Variants in NEBL observed in about 807,000 individuals in gnomAD.
NEBL encodes the protein nebulette, also known as LIM and SH3 protein 2.
A neutral mutation model predicts 140.2 loss-of-function variants in NEBL; 122 were observed. The ratio of observed to expected loss-of-function variants is 0.87; its 90% CI spans 0.75 to 1.01. The LOEUF is 1.01. NEBL is among the 50% of genes least tolerant of loss of function. NEBL has a pLI of 0.00. For missense variants in NEBL, 1,365 were observed against 1,231.3 expected (o/e 1.11, Z -1.62); for synonymous variants, 436 against 398.9 (o/e 1.09, Z -1.11).
chr10:21,234,964 T>C (rs1842329042), intron 3 of NEBL, among the ~76,000 whole-genome samples: 1 of 152,076 alleles, frequency 6.6e-6, no homozygotes, highest in African/African-American at 2.4e-5. Flanking sequence ...GGAGAGGACC[T>C]AAGAAGATTA....
At chr10:20,902,789 C>G (rs1847926672) in intron 4 of NEBL, among the ~76,000 whole-genome samples, 1 of 152,062 alleles carries the variant, frequency 6.6e-6, no homozygotes, top group African/African-American at 2.4e-5. Flanking sequence ...TCTTCTTGGT[C>G]TGTATGTGGC....
chr10:21,135,282 C>T (rs1335482985), intron 2 of NEBL, among the ~76,000 whole-genome samples: 3 of 152,192 alleles, frequency 2.0e-5, no homozygotes, highest in African/African-American at 4.8e-5. Context: ...CTGGGTGGGG[C>T]GAGGCCACAG....
chr10:21,040,649 CT>C (rs1834230741), intron 2 of NEBL, among the ~76,000 whole-genome samples: 1 of 152,210 alleles, frequency 6.6e-6, no homozygotes, highest in East Asian at 1.9e-4. Context: ...CCAAACCCCA[CT>C]ACCAACCTTA....
chr10:21,039,372 G>A (rs570421237), intron 2 of NEBL, among the ~76,000 whole-genome samples: 3 of 152,224 alleles, frequency 2.0e-5, no homozygotes, highest in African/African-American at 7.2e-5. Flanking sequence ...TTACGTTTAA[G>A]TCTTTAATCC....
chr10:21,244,584 A>G (rs1422821944), intron 3 of NEBL, among the ~76,000 whole-genome samples: 1 of 151,834 alleles, frequency 6.6e-6, no homozygotes, highest in Non-Finnish European at 1.5e-5. Flanking sequence ...CCTGGGAGAT[A>G]GAGGTTGCAA....
intron 2 of NEBL, among the ~76,000 whole-genome samples, chr10:21,248,907 C>T (rs1260568089): frequency 3.3e-5 from 5 of 151,974 alleles, no homozygotes; most frequent in Non-Finnish European, 5.9e-5. Context: ...TTTTGATTTG[C>T]ATTTCCCTAA....
intron 3 of NEBL, among the ~76,000 whole-genome samples, chr10:21,004,615 G>C (rs1424943174): frequency 6.6e-6 from 1 of 152,096 alleles, no homozygotes; most frequent in African/African-American, 2.4e-5. Context: ...AGCTACTCGG[G>C]AGGCTGAGGC....
intron 2 of NEBL, among the ~76,000 whole-genome samples, chr10:21,106,200 C>T (rs2132004534): frequency 6.6e-6 from 1 of 152,218 alleles, no homozygotes; most frequent in Admixed American, 6.5e-5. Flanking sequence ...AATTAGATCC[C>T]ATTTGTCTAT....
chr10:21,180,568 T>C (rs552734257), intron 3 of NEBL, among the ~76,000 whole-genome samples: 1 of 152,282 alleles, frequency 6.6e-6, no homozygotes, highest in South Asian at 2.1e-4. Flanking sequence ...GTTTGCAAAG[T>C]CAACATATTT....
At chr10:21,062,397 T>C (rs2131882676) in intron 2 of NEBL, among the ~76,000 whole-genome samples, 1 of 152,136 alleles carries the variant, frequency 6.6e-6, no homozygotes, top group South Asian at 2.1e-4. Flanking sequence ...GTAGTGGCTC[T>C]CGCCTGTAAT....
intron 21 of NEBL, 136 bp downstream of exon 21, chr10:20,817,464 T>C: frequency 3.7e-6 from 3 of 820,214 alleles, no homozygotes; most frequent in Non-Finnish European, 4.1e-6. Flanking sequence ...CCCCGAAATC[T>C]TTCAAATAAG....
intron 1 of NEBL, among the ~76,000 whole-genome samples, chr10:21,275,082 T>G (rs1287835546): frequency 6.6e-6 from 1 of 152,018 alleles, no homozygotes; most frequent in Non-Finnish European, 1.5e-5. Context: ...ACCATGCAAG[T>G]GAATTTAGAG....
rs1835037883 is a variant in NEBL at position 20,781,558 on chromosome 10, C to T, written c.*4189G>A. On this transcript the variant is annotated 3_prime_UTR_variant, in exon 28 of 28. Transcript: ENST00000377122. ...GCAACTGGATTACAAAGAAGTGATA[C>T]TATGCAAACTGGATACCATGTATCA... 1 of 152,192 alleles carries T rather than the reference C, an allele frequency of 6.6e-6. No individual in the cohort carries two copies. The highest frequency in any genetic ancestry group is 1.5e-5 in the Non-Finnish European group (1 of 68,034). 9.4% of individuals were successfully genotyped at this position (152,192 alleles called of 1,614,324 possible). A position where few individuals can be genotyped will look rare whatever the true frequency, so the allele number is the denominator to read the frequency against.
chr10:21,163,888 A>C (rs1276257968), intron 2 of NEBL, among the ~76,000 whole-genome samples: 1 of 152,200 alleles, frequency 6.6e-6, no homozygotes, highest in Admixed American at 6.5e-5. Flanking sequence ...ATCCTCCAAG[A>C]CTCTGCTAAG....
At chr10:20,882,919 A>G (rs963986394) in intron 4 of NEBL, among the ~76,000 whole-genome samples, 1 of 152,128 alleles carries the variant, frequency 6.6e-6, no homozygotes, top group Non-Finnish European at 1.5e-5. Flanking sequence ...ATCTCCCCCT[A>G]GCTGCGTCTA....
chr10:21,172,036 T>C (rs1455231670), intron 2 of NEBL: 1 of 302,372 alleles, frequency 3.3e-6, no homozygotes, highest in Non-Finnish European at 6.3e-6. Flanking sequence ...AAATGGAAAT[T>C]GACACAGGAT....
chr10:21,028,990 G>A (rs192584852), intron 2 of NEBL: 55 of 592,476 alleles, frequency 9.3e-5, no homozygotes, highest in Admixed American at 1.2e-4. Flanking sequence ...TTGCTTTCCC[G>A]CTCCCAACAT....
chr10:20,916,702 G>A (rs10828150), intron 4 of NEBL, among the ~76,000 whole-genome samples: 68,615 of 152,048 alleles, frequency 0.45, 16,518 homozygotes, highest in Non-Finnish European at 0.52. Context: ...GAGCCACCAC[G>A]CCTGGCTTGA....
In NEBL at chr10:20,783,822, G is replaced by A. The variant is rs1450878583; in HGVS notation, c.*1925C>T. On this transcript the variant is annotated 3_prime_UTR_variant, in exon 28 of 28. Coordinates refer to ENST00000377122, the MANE Select transcript of NEBL (RefSeq NM_006393.3). ...TGTACAATATACCAAAACAGATATGGGGTTTTATCACTTTAATCACGACTG... is the reference window on the plus strand; with the variant it reads ...TGTACAATATACCAAAACAGATATGAGGTTTTATCACTTTAATCACGACTG... 2 of 152,348 alleles carry A rather than the reference G, an allele frequency of 1.3e-5. No individual in the cohort carries two copies. The highest frequency in any genetic ancestry group is 2.9e-5 in the Non-Finnish European group (2 of 68,010). The allele number at this position is 152,348 out of a possible 1,614,324, so 9.4% of individuals were successfully genotyped here.
Sources: allele counts gnomAD v4.1 joint callset (sites outside exome capture counted in the v4.1 genomes callset), GRCh38; gene constraint gnomAD v4.1.1; transcripts MANE v1.5; gene names NCBI Gene and HGNC (gene_info 2026-07-23, HGNC 2026-07-21).